Variants in IL16 observed in about 807,000 individuals in gnomAD.
The protein encoded by IL16 is pro-interleukin-16.
A neutral mutation model predicts 110.1 loss-of-function variants in IL16; 67 were observed. The observed-to-expected ratio is 0.61, with a 90% CI of 0.50 to 0.75. IL16 has a LOEUF of 0.75. IL16 is among the 30% of genes least tolerant of loss of function. The pLI, the probability that IL16 is intolerant of heterozygous loss-of-function variation, is 0.00. For missense variants in IL16, 1,545 were observed against 1,655.0 expected, an observed-to-expected ratio of 0.93 and a Z score of 1.15; for synonymous variants, 689 against 662.9, an observed-to-expected ratio of 1.04 and a Z score of -0.61.
chr15:81,204,491 C>T (rs974260771), intron 1 of IL16, among the ~76,000 whole-genome samples: 45 of 152,032 alleles, frequency 3.0e-4, no homozygotes, highest in African/African-American at 9.7e-4. Flanking sequence ...TTTTGAAATA[C>T]GTCCCATCAA....
chr15:81,225,978 A>G (rs1896776922), intron 2 of IL16, among the ~76,000 whole-genome samples: 1 of 152,178 alleles, frequency 6.6e-6, no homozygotes. Context: ...CTGATGGAAA[A>G]TGCCAGATGC....
At chr15:81,197,248 T>G in intron 1 of IL16, 96 bp downstream of exon 1, 1 of 773,208 alleles carries the variant, frequency 1.3e-6, no homozygotes, top group Non-Finnish European at 1.8e-6. Context: ...GGGTCTTGGT[T>G]GCTAGGACGT....
chr15:81,303,914 C>T lies in IL16; in HGVS notation c.3420+264C>T, dbSNP rs1900421539. On this transcript the variant is annotated intron_variant, in intron 16 of 18. Coordinates refer to ENST00000683961, the MANE Select transcript of IL16 (RefSeq NM_172217.5). The surrounding 1 kb of genome is among the most constrained non-coding windows in gnomAD (Gnocchi z 4.1). ...TCAGCATTGGCTGCTGCCTTCAGGT[C>T]ACCTGTACCTGACCCAGATGGTTTC... 1.3e-5 allele frequency among the ~76,000 whole-genome samples: 2 copies of T among 152,244 alleles called. No individual in the cohort carries two copies. The highest frequency in any genetic ancestry group is 4.1e-4 in the South Asian group (2 of 4,836).
chr15:81,308,085 C>T (rs1258402129), intron 18 of IL16, among the ~76,000 whole-genome samples: 2 of 152,092 alleles, frequency 1.3e-5, no homozygotes, highest in African/African-American at 4.8e-5. Flanking sequence ...ATAGTGGGGG[C>T]CATATATGGT....
rs752850949 is a variant in IL16, at chr15:81,259,865, C to G, written c.406C>G (p.Arg136Gly). The G allele has an allele frequency of 1.3e-5, 21 of 1,607,706 alleles. No individual in the cohort carries two copies. Among genetic ancestry groups the G allele is most frequent in the Non-Finnish European group, 1.4e-5 (17 of 1,174,206 alleles). Residue 136 changes from arginine (R) to glycine (G), a missense_variant, in exon 3 of 19, where the codon CGC (arginine) becomes GGC (glycine). By Grantham distance (125) the Arg-to-Gly change is moderately radical. Around this residue, in one of 3 missense-constraint regions of IL16, gnomAD observed 1,185 missense variants for 1,238.8 expected, o/e 0.96. Transcript: ENST00000683961. ...TCCTAAAGCCTGCCACCAAAGGGCA[C>G]GCAGCAACTCAACCAGTAAGTGTCT... Reference protein sequence around the residue: ...LFPKACHQRARSNSTSVNPYC... With the variant: ...LFPKACHQRAGSNSTSVNPYC...
Position 81,303,015 on chromosome 15 carries a change from A to ATTGTG in IL16, c.3319-533_3319-532insTGTGT, listed in dbSNP as rs774299225. Among the ~76,000 whole-genome samples the ATTGTG allele has an allele frequency of 1.3e-5, 2 of 150,038 alleles. No individual in the cohort carries two copies. The highest frequency in any genetic ancestry group is 6.6e-5 in the Admixed American group (1 of 15,136). Reference sequence around the variant, plus strand: ...GTCTAGGCTAGGAAGTACCGTAGTAATGTGTGTGTGTGTGTGTGTGTGTGT... The same window carrying ATTGTG: ...GTCTAGGCTAGGAAGTACCGTAGTAATTGTGTGTGTGTGTGTGTGTGTGTGTGTGT... On this transcript the variant is annotated intron_variant, in intron 15 of 18. Transcript: ENST00000683961. This position sits in a 1 kb window ranked among gnomAD's most constrained non-coding sequence, Gnocchi z 4.1.
rs551138638 is a variant in IL16, at chr15:81,184,021, A to G, written c.40+1125A>G. On this transcript the variant is annotated intron_variant, in intron 1 of 18. Coordinates refer to the IL16 transcript ENST00000302987. ...CTCACAGCAACCATCATAGATATAC[A>G]GGCTTGAGGATGAAGAAAAGAGTGC... Among the ~76,000 whole-genome samples the G allele has an allele frequency of 2.0e-5, 3 of 152,336 alleles. No homozygotes were observed. In the East Asian group the frequency reaches 5.8e-4, roughly 29 times the overall value.
intron 2 of IL16, among the ~76,000 whole-genome samples, chr15:81,234,608 T>C (rs533465916): frequency 6.6e-6 from 1 of 152,330 alleles, no homozygotes. Context: ...CTCCAGACTA[T>C]ATCATTATTA....
At position 81,285,680 on chromosome 15, in the gene IL16, T is replaced by G. The variant is rs777793155; in HGVS notation, c.1200-18T>G. 49 of 1,613,404 alleles carry G rather than the reference T, an allele frequency of 3.0e-5. No individual in the cohort carries two copies. Among genetic ancestry groups the G allele is most frequent in the Non-Finnish European group, 4.2e-5 (49 of 1,179,666 alleles). ...CATTGATTCACTTACTGATGGCTTC[T>G]TATTGATGCTTGCACAGGTGTGGGG... On this transcript the variant is annotated intron_variant, in intron 9 of 18. Coordinates refer to ENST00000683961, the MANE Select transcript of IL16 (RefSeq NM_172217.5).
At position 81,292,594 on chromosome 15, in the gene IL16, A is replaced by C. The variant is rs1358373321; in HGVS notation, c.1459A>C (p.Thr487Pro). The change falls in exon 12 of 19, where the codon ACC becomes CCC. Residue 487 changes from threonine (T) to proline (P), a missense_variant. Physicochemically the swap from Thr to Pro is conservative, Grantham distance 38. This residue lies in a region of IL16 where 1,185 missense variants were observed against 1,238.8 expected (regional missense o/e 0.96). Transcript: ENST00000683961. ...GGAAAGCAGTTGGCACGGGCGGCCC[A>C]CCTTGGAGAAGGAACGAGAGAAGAA... is the stretch of plus-strand genomic sequence containing the variant. ...RLESSWHGRP[T>P]LEKEREKNSA... 1.6e-5 allele frequency: 25 copies of C among 1,605,882 alleles called. No individual in the cohort carries two copies. The highest frequency in any genetic ancestry group is 2.0e-5 in the Non-Finnish European group (23 of 1,173,370).
intron 2 of IL16, among the ~76,000 whole-genome samples, chr15:81,233,286 A>G (rs1466842286): frequency 6.6e-6 from 1 of 152,152 alleles, no homozygotes. Flanking sequence ...ACTCTAGTAC[A>G]GTAGCACAAC....
chr15:81,298,519 C>T (rs1415209537), intron 13 of IL16, among the ~76,000 whole-genome samples: 2 of 152,202 alleles, frequency 1.3e-5, no homozygotes, highest in African/African-American at 4.8e-5. Context: ...TTGCACATTG[C>T]AATCCCCTGC....
chr15:81,198,536 G>A (rs1229389455), intron 1 of IL16, among the ~76,000 whole-genome samples: 2 of 152,054 alleles, frequency 1.3e-5, no homozygotes, highest in Non-Finnish European at 2.9e-5. Flanking sequence ...CTAATTGTTT[G>A]TATTCATGGA....
In IL16 at chr15:81,225,466, C is replaced by G; in HGVS notation, c.67C>G (p.Leu23Val). The change falls in exon 2 of 19, where the codon CTG becomes GTG. Residue 23 changes from leucine to valine, a missense_variant. Leu to Val is a conservative substitution (Grantham distance 32). Coordinates refer to ENST00000683961, the MANE Select transcript of IL16 (RefSeq NM_172217.5). ...AAAATTTCGGTCCATCTCCAGGTCC[C>G]TGATGCTCTGTAATGCTAAGACCAG... ...SAKFRSISRS[L>V]MLCNAKTSDD... The G allele has an allele frequency of 6.2e-7, 1 of 1,614,180 alleles. No individual in the cohort carries two copies.
intron 1 of IL16, among the ~76,000 whole-genome samples, chr15:81,213,642 T>C (rs965208129): frequency 6.6e-5 from 10 of 152,242 alleles, no homozygotes; most frequent in Admixed American, 5.2e-4. Flanking sequence ...TATTATATAA[T>C]GCCCTTCATT....
At chr15:81,238,848 A>G (rs1897259199) in intron 2 of IL16, among the ~76,000 whole-genome samples, 1 of 144,352 alleles carries the variant, frequency 6.9e-6, no homozygotes, top group East Asian at 2.0e-4. Context: ...TTTTTACCTG[A>G]GAATATCTTT....
intron 1 of IL16, among the ~76,000 whole-genome samples, chr15:81,197,565 G>GCCAGACT (rs1259418679): frequency 6.6e-6 from 1 of 152,134 alleles, no homozygotes; most frequent in African/African-American, 2.4e-5. Context: ...CTGCTGCCTG[G>GCCAGACT]CCAGACTCCT....
chr15:81,297,160 G>A (rs17875503), intron 13 of IL16, 82 bp downstream of exon 13: 93 of 1,362,444 alleles, frequency 6.8e-5, no homozygotes, highest in Middle Eastern at 2.3e-4. Flanking sequence ...AAATTGGCCT[G>A]AGGATCAGAG....
intron 7 of IL16, 120 bp from the exon 8 acceptor site, chr15:81,279,438 T>C: frequency 1.5e-6 from 1 of 648,398 alleles, no homozygotes; most frequent in Non-Finnish European, 2.6e-6. Flanking sequence ...TGTATGAATA[T>C]ATGCGCACAT....
Sources: allele counts gnomAD v4.1 joint callset (sites outside exome capture counted in the v4.1 genomes callset), GRCh38; gene constraint gnomAD v4.1.1; regional missense constraint gnomAD v4.1.1; non-coding constraint Gnocchi (gnomAD v3.1); transcripts MANE v1.5; gene names NCBI Gene and HGNC (gene_info 2026-07-23, HGNC 2026-07-21).